Variants in RHPN2 observed in about 807,000 individuals in gnomAD.
The protein encoded by RHPN2 is rhophilin-2.
RHPN2 carries 40 observed loss-of-function variants against 79.0 expected under a neutral mutation model. The observed-to-expected ratio is 0.51, with a 90% CI of 0.39 to 0.66. RHPN2 has a LOEUF of 0.66. Among genes scored for constraint, RHPN2 ranks in the 30% least tolerant of loss-of-function variants. The pLI is 0.00. For missense variants in RHPN2, 686 were observed against 883.5 expected, an observed-to-expected ratio of 0.78 and a Z score of 2.83; for synonymous variants, 285 against 363.5, an observed-to-expected ratio of 0.78 and a Z score of 2.46.
In RHPN2 at chr19:32,983,467, C is replaced by T. The variant is rs560193839; in HGVS notation, c.1801-3211G>A. On this transcript the variant is annotated intron_variant, in intron 14 of 14. Transcript: ENST00000254260. ...TGGAGCTTGCAGTGAGCTGAGATAG[C>T]GCCACTCACTGCATTCCAGCCTGGG... Among the ~76,000 whole-genome samples the T allele has an allele frequency of 2.7e-5, 4 of 150,720 alleles. No individual in the cohort carries two copies. In the East Asian group the frequency reaches 6.0e-4, roughly 23 times the overall value.
chr19:33,017,366 C>T (rs1243538054), intron 4 of RHPN2, among the ~76,000 whole-genome samples: 1 of 145,142 alleles, frequency 6.9e-6, no homozygotes, highest in East Asian at 2.1e-4. Flanking sequence ...AAGAGTGAAA[C>T]TCCATCTCAA....
intron 2 of RHPN2, among the ~76,000 whole-genome samples, chr19:33,040,717 G>A (rs1409128126): frequency 6.6e-6 from 1 of 152,120 alleles, no homozygotes; most frequent in East Asian, 1.9e-4. Flanking sequence ...CACTTTGGGA[G>A]GCTGAGGCAG....
intron 7 of RHPN2, among the ~76,000 whole-genome samples, 179 bp from the exon 8 acceptor site, chr19:33,003,179 GAAACCCTGTCTCTACAA>G (rs1011349300): frequency 2.6e-5 from 4 of 151,996 alleles, no homozygotes; most frequent in Non-Finnish European, 5.9e-5. Flanking sequence ...GCAACGTGGT[GAAACCCTGTCTCTACAA>G]AAAATACAAA....
intron 1 of RHPN2, among the ~76,000 whole-genome samples, chr19:33,046,399 G>A (rs1204846812): frequency 6.6e-6 from 1 of 152,058 alleles, no homozygotes; most frequent in Non-Finnish European, 1.5e-5. Context: ...CCGGGTAGCT[G>A]GGATTACAGG....
At chr19:33,037,997 G>A (rs1300664506) in intron 2 of RHPN2, among the ~76,000 whole-genome samples, 1 of 152,078 alleles carries the variant, frequency 6.6e-6, no homozygotes. Context: ...GAGCCCTGGA[G>A]TTTGAGACCA....
At chr19:33,019,339 G>T (rs998708447) in intron 4 of RHPN2, among the ~76,000 whole-genome samples, 13 of 151,922 alleles carry the variant, frequency 8.6e-5, no homozygotes, top group Non-Finnish European at 1.0e-4. Context: ...CAGCACTTTG[G>T]AAGGCCAAGA....
chr19:32,990,137 T>TAAAGAAAGAAAGAAAGAAAG lies in RHPN2; in HGVS notation c.1800+357_1800+376dup, dbSNP rs67167337. ...AAATAAAATTAAAAAAGAAAATGAA[T>TAAAGAAAGAAAGAAAGAAAG]AAAGAAAGAAAGAAAGAAAGAAAGA... On this transcript the variant is annotated intron_variant, in intron 14 of 14. Transcript: ENST00000254260. Among the ~76,000 whole-genome samples the TAAAGAAAGAAAGAAAGAAAG allele has an allele frequency of 6.7e-4, 12 of 17,864 alleles. 1 individual carries two copies. Among genetic ancestry groups the TAAAGAAAGAAAGAAAGAAAG allele is most frequent in the South Asian group, 2.2e-3 (1 of 460 alleles). 11.7% of individuals were successfully genotyped at this position (17,864 alleles called of 152,430 possible).
chr19:33,018,660 G>C (rs1450281961), intron 4 of RHPN2, among the ~76,000 whole-genome samples: 1 of 152,096 alleles, frequency 6.6e-6, no homozygotes. Context: ...AAACAAGGCA[G>C]CAGTCAAAAA....
At chr19:32,989,567 A>AT (rs971956162) in intron 14 of RHPN2, among the ~76,000 whole-genome samples, 13 of 151,774 alleles carry the variant, frequency 8.6e-5, no homozygotes, top group Admixed American at 2.6e-4. Flanking sequence ...TACCATTAGA[A>AT]TTTTTTTTTG....
intron 7 of RHPN2, among the ~76,000 whole-genome samples, chr19:33,006,298 G>T (rs570773307): frequency 1.3e-5 from 2 of 152,250 alleles, no homozygotes; most frequent in African/African-American, 4.8e-5. Context: ...CTGGGCTTAA[G>T]TGATCTTCCC....
chr19:33,023,294 G>A (rs1228289783), intron 3 of RHPN2, among the ~76,000 whole-genome samples: 1 of 151,878 alleles, frequency 6.6e-6, no homozygotes, highest in Non-Finnish European at 1.5e-5. Flanking sequence ...AACTACCTGG[G>A]CATGGTGATG....
chr19:33,008,214 T>C (rs1174832146), intron 6 of RHPN2, 34 bp from the exon 7 acceptor site: 1 of 1,609,076 alleles, frequency 6.2e-7, no homozygotes, highest in Non-Finnish European at 8.5e-7. Flanking sequence ...AGAATACAGA[T>C]TACTTGGCTA....
intron 7 of RHPN2, 123 bp downstream of exon 7, chr19:33,007,891 C>A: frequency 9.2e-7 from 1 of 1,092,866 alleles, no homozygotes. Flanking sequence ...GGAAGTTACA[C>A]CAGAGCTGGA....
intron 14 of RHPN2, among the ~76,000 whole-genome samples, chr19:32,989,121 T>G (rs1185820378): frequency 6.6e-6 from 1 of 152,032 alleles, no homozygotes; most frequent in African/African-American, 2.4e-5. Flanking sequence ...ATTTTAGGGT[T>G]TTTTTGCAGA....
chr19:33,008,632 T>C (rs1044999398), intron 6 of RHPN2, among the ~76,000 whole-genome samples: 13 of 151,996 alleles, frequency 8.6e-5, no homozygotes, highest in African/African-American at 3.1e-4. Context: ...TAGCCAGGCA[T>C]GGTGGCGGGC....
intron 2 of RHPN2, among the ~76,000 whole-genome samples, chr19:33,041,614 A>G (rs1972100964): frequency 6.6e-6 from 1 of 152,166 alleles, no homozygotes; most frequent in South Asian, 2.1e-4. Context: ...CGTTAAGAGA[A>G]CAAGGCACAC....
At chr19:33,051,722 G>A in intron 1 of RHPN2, 1 of 191,508 alleles carries the variant, frequency 5.2e-6, no homozygotes, top group Non-Finnish European at 1.2e-5. Flanking sequence ...GAAAGTGGCT[G>A]TCTAAAATCA....
chr19:33,047,902 ACT>A (rs1376257893), intron 1 of RHPN2, among the ~76,000 whole-genome samples: 7 of 151,972 alleles, frequency 4.6e-5, no homozygotes, highest in South Asian at 2.1e-4. Flanking sequence ...ACAGAGTGAG[ACT>A]CTGTCTCTAC....
rs1972029865 is a variant in RHPN2 at position 33,033,626 on chromosome 19, T to C, written c.186-6994A>G. ...GCTCACACGTATAATACTAGCACTT[T>C]GGGAGGCCGAGGTGGGCAAATCACC... On this transcript the variant is annotated intron_variant, in intron 2 of 14. Transcript: ENST00000254260. 4.6e-5 allele frequency among the ~76,000 whole-genome samples: 7 copies of C among 151,742 alleles called. No homozygotes were observed. In the South Asian group the frequency reaches 1.5e-3, roughly 32 times the overall value.
Sources: gnomAD v4.1 joint callset for allele counts (sites outside exome capture counted in the v4.1 genomes callset) on GRCh38, gnomAD v4.1.1 for gene constraint, MANE v1.5 for transcripts, NCBI Gene and HGNC (gene_info 2026-07-23, HGNC 2026-07-21) for gene names.